The following CABIN1 variants were observed in gnomAD, a reference collection of about 807,000 sequenced individuals.
CABIN1 encodes the protein calcineurin binding protein 1.
Under a neutral mutation model 227.7 loss-of-function variants are expected in CABIN1, and 133 were observed. That is an observed-to-expected ratio of 0.58 (90% confidence interval 0.51 to 0.67). The LOEUF (loss-of-function observed/expected upper bound fraction) is 0.67, where lower values mean the gene tolerates loss of function less well. Among genes scored for constraint, CABIN1 ranks in the 30% least tolerant of loss-of-function variants. CABIN1 has a pLI of 0.00. For synonymous variants in CABIN1, 1,086 were observed against 1,155.1 expected, an observed-to-expected ratio of 0.94 and a Z score of 1.21; for missense variants, 2,408 against 2,852.5, an observed-to-expected ratio of 0.84 and a Z score of 3.55.
chr22:24,079,686 C>T (rs1032429134), intron 19 of CABIN1, among the ~76,000 whole-genome samples: 36 of 152,110 alleles, frequency 2.4e-4, no homozygotes, highest in African/African-American at 7.5e-4. Flanking sequence ...CCTGTTTACC[C>T]CTTGGGTTTC....
intron 29 of CABIN1, among the ~76,000 whole-genome samples, chr22:24,154,305 C>A (rs1380222059): frequency 2.0e-5 from 3 of 152,104 alleles, no homozygotes; most frequent in Admixed American, 6.5e-5. Context: ...TGTGGACAGC[C>A]GGGAAGAGTG....
At chr22:24,152,941 A>AG (rs2045576366) in intron 29 of CABIN1, among the ~76,000 whole-genome samples, 1 of 210 alleles carries the variant, frequency 4.8e-3, no homozygotes, top group African/African-American at 0.019. Context: ...CAGAGCAGAG[A>AG]AAAAAAAAGA....
intron 27 of CABIN1, 119 bp from the exon 28 acceptor site, chr22:24,119,248 G>T: frequency 1.1e-6 from 1 of 879,484 alleles, no homozygotes; most frequent in Non-Finnish European, 1.9e-6. Context: ...CACTCAGCAA[G>T]GGCATTGATC....
intron 28 of CABIN1, among the ~76,000 whole-genome samples, chr22:24,124,691 A>G (rs941468602): frequency 6.6e-6 from 1 of 152,200 alleles, no homozygotes; most frequent in African/African-American, 2.4e-5. Context: ...GAGAGAGCAC[A>G]TGGCATCAGA....
chr22:24,038,334 G>C lies in CABIN1; in HGVS notation c.97-14G>C. ...TTTATGCTGTATGAAAACATCTCTT[G>C]TCTTGATTTGCAGGAAGCAGAGGCT... On this transcript the variant is annotated splice_polypyrimidine_tract_variant and intron_variant, in intron 3 of 36. Coordinates refer to ENST00000263119, the MANE Select transcript of CABIN1 (RefSeq NM_012295.4). 2 of 1,599,192 alleles carry C rather than the reference G, an allele frequency of 1.3e-6. No individual in the cohort carries two copies. The highest frequency in any genetic ancestry group is 1.7e-6 in the Non-Finnish European group (2 of 1,166,648).
chr22:24,076,911 A>G (rs967072244), intron 19 of CABIN1, among the ~76,000 whole-genome samples: 3 of 152,168 alleles, frequency 2.0e-5, no homozygotes, highest in African/African-American at 7.2e-5. Context: ...TGTTCTTCAT[A>G]TACCAAGACA....
Position 24,083,197 on chromosome 22 carries a change from C to T in CABIN1, c.2749-31C>T, listed in dbSNP as rs140335924. ...CAGGGAGGCAGTGGCTACAGGCCCT[C>T]ACCTCAGGCCATCTCTTCTGCCCAC... is the stretch of plus-strand genomic sequence containing the variant. On this transcript the variant is annotated intron_variant, in intron 19 of 36. Coordinates refer to ENST00000263119, the MANE Select transcript of CABIN1 (RefSeq NM_012295.4). The T allele has an allele frequency of 1.3e-3, 2,126 of 1,610,492 alleles. 11 individuals are homozygous for T. The highest frequency in any genetic ancestry group is 8.6e-3 in the South Asian group (778 of 90,944).
intron 33 of CABIN1, among the ~76,000 whole-genome samples, chr22:24,169,463 G>T (rs189319545): frequency 7.4e-4 from 113 of 152,332 alleles, no homozygotes; most frequent in African/African-American, 2.7e-3. Flanking sequence ...GTCTGCGGAA[G>T]CCCTCGAGGT....
intron 1 of CABIN1, among the ~76,000 whole-genome samples, chr22:24,016,122 T>C (rs963354056): frequency 2.6e-4 from 40 of 152,226 alleles, no homozygotes; most frequent in Non-Finnish European, 4.4e-5. Context: ...AAAGAAACCC[T>C]GATCCATTAG....
chr22:24,154,380 T>C (rs1166363328), intron 29 of CABIN1, among the ~76,000 whole-genome samples: 1 of 152,162 alleles, frequency 6.6e-6, no homozygotes, highest in East Asian at 1.9e-4. Flanking sequence ...GCCTTATTGC[T>C]GTGTGACTGC....
At chr22:24,156,370 C>T (rs2045811346) in intron 29 of CABIN1, among the ~76,000 whole-genome samples, 2 of 151,934 alleles carry the variant, frequency 1.3e-5, no homozygotes, top group Admixed American at 1.3e-4. Flanking sequence ...GTCAGGTGGG[C>T]GGCCAAGCCG....
chr22:24,054,920 C>T lies in CABIN1; in HGVS notation c.854C>T (p.Thr285Ile). 1.2e-6 allele frequency: 2 copies of T among 1,614,232 alleles called. No individual in the cohort carries two copies. Among genetic ancestry groups the T allele is most frequent in the Non-Finnish European group, 1.7e-6 (2 of 1,180,030 alleles). Residue 285 changes from threonine to isoleucine, a missense_variant, in exon 9 of 37, where the codon ACC becomes ATC. Transcript: ENST00000263119. ...ESLLAMYNHLTTCEPPRPSLG... is the reference protein window; with the variant it reads ...ESLLAMYNHLITCEPPRPSLG... ...TTGCTGGCCATGTACAATCATCTCA[C>T]CACCTGTGAGCCCCCACGTCCCAGC...
At chr22:24,014,333 C>A (rs1026040634) in intron 1 of CABIN1, among the ~76,000 whole-genome samples, 1 of 152,040 alleles carries the variant, frequency 6.6e-6, no homozygotes, top group African/African-American at 2.4e-5. Context: ...TCATTATCAT[C>A]ATTATTTTGT....
At chr22:24,103,549 A>C (rs1242416878) in intron 26 of CABIN1, among the ~76,000 whole-genome samples, 1 of 152,016 alleles carries the variant, frequency 6.6e-6, no homozygotes, top group Non-Finnish European at 1.5e-5. Flanking sequence ...CTCCCCTCCT[A>C]GGGCTAAGGG....
rs112261923 is a variant in CABIN1 at position 24,054,931 on chromosome 22, C to G, written c.865C>G (p.Pro289Ala). The change falls in exon 9 of 37, where the codon CCC (proline) becomes GCC (alanine). Residue 289 changes from proline (P) to alanine (A), a missense_variant. Pro to Ala is a conservative substitution (Grantham distance 27). Transcript: ENST00000263119. Reference sequence around the variant, plus strand: ...GTACAATCATCTCACCACCTGTGAGCCCCCACGTCCCAGCCTTGGCAAAAG... The same window carrying G: ...GTACAATCATCTCACCACCTGTGAGGCCCCACGTCCCAGCCTTGGCAAAAG... ...AMYNHLTTCE[P>A]PRPSLGKRID... The G allele has an allele frequency of 9.3e-6, 15 of 1,614,190 alleles. No individual in the cohort carries two copies. Among genetic ancestry groups the G allele is most frequent in the Middle Eastern group, 1.6e-4 (1 of 6,062 alleles).
chr22:24,156,037 C>T, intron 29 of CABIN1: 1 of 560,424 alleles, frequency 1.8e-6, no homozygotes, highest in Non-Finnish European at 3.1e-6. Flanking sequence ...CCGGCGCTCG[C>T]CCTAGCTCCA....
intron 6 of CABIN1, 96 bp downstream of exon 6, chr22:24,043,180 T>A: frequency 2.9e-6 from 3 of 1,043,468 alleles, no homozygotes; most frequent in East Asian, 2.4e-5. Flanking sequence ...AAGTTAACAC[T>A]GAAGGGGTTT....
At chr22:24,154,067 GC>G (rs1354366154) in intron 29 of CABIN1, among the ~76,000 whole-genome samples, 1 of 152,212 alleles carries the variant, frequency 6.6e-6, no homozygotes, top group Non-Finnish European at 1.5e-5. Flanking sequence ...GCTAGGTGCT[GC>G]CCGTGATGGA....
chr22:24,162,311 C>G (rs2046203276), intron 29 of CABIN1: 1 of 152,446 alleles, frequency 6.6e-6, no homozygotes, highest in Admixed American at 6.5e-5. Flanking sequence ...ATCCTGGGGC[C>G]CATCTGCTGG....
Sources: gnomAD v4.1 joint callset for allele counts (sites outside exome capture counted in the v4.1 genomes callset) on GRCh38, gnomAD v4.1.1 for gene constraint, MANE v1.5 for transcripts, NCBI Gene and HGNC (gene_info 2026-07-23, HGNC 2026-07-21) for gene names.